Variants in VPS35 observed in about 807,000 individuals in gnomAD.
VPS35 encodes the protein vacuolar protein sorting-associated protein 35.
Under a neutral mutation model 98.1 loss-of-function variants are expected in VPS35, and 21 were observed. The ratio of observed to expected loss-of-function variants is 0.21; its 90% confidence interval spans 0.15 to 0.31. The LOEUF is 0.31. VPS35 is among the 10% of genes least tolerant of loss of function. The probability of loss-of-function intolerance (pLI) is 1.00; values close to 1 mark genes in which losing one functional copy is unlikely to be tolerated. For missense variants in VPS35, 554 were observed against 950.8 expected (o/e 0.58, Z 5.49); for synonymous variants, 268 against 318.2 (o/e 0.84, Z 1.68).
intron 7 of VPS35, 87 bp from the exon 8 acceptor site, chr16:46,676,779 A>C: frequency 1.1e-6 from 1 of 930,152 alleles, no homozygotes; most frequent in Admixed American, 1.9e-5. Context: ...TGTGGGAAAA[A>C]AACACTGTAT....
chr16:46,670,260 G>A (rs973698779), intron 12 of VPS35, among the ~76,000 whole-genome samples: 27 of 152,116 alleles, frequency 1.8e-4, no homozygotes, highest in African/African-American at 6.0e-4. Context: ...CCATACATGG[G>A]AATAACCAAT....
At chr16:46,674,935 C>T (rs1966123573) in intron 8 of VPS35, among the ~76,000 whole-genome samples, 1 of 151,720 alleles carries the variant, frequency 6.6e-6, no homozygotes, top group Admixed American at 6.6e-5. Flanking sequence ...CTGGGGCTAA[C>T]AGCATGTGCC....
rs141444850 is a variant in VPS35 at position 46,680,799 on chromosome 16, C to A, written c.378G>T (p.Arg126Ser). 11 of 1,613,888 alleles carry A rather than the reference C, an allele frequency of 6.8e-6. No homozygotes were observed. In the African/African-American group the frequency reaches 1.5e-4, roughly 22 times the overall value. The change falls in exon 5 of 17, where the codon AGG becomes AGT. Residue 126 changes from arginine (R) to serine (S), a missense_variant. By Grantham distance (110) the Arg-to-Ser change is moderately radical. Transcript: ENST00000299138. ...CTACCAAATCTTTCAAAATATCCTT[C>A]CTGGACTGAGGAAATGACTTGACAT... ...VVYVKSFPQS[R>S]KDILKDLVEM...
chr16:46,684,864 G>A (rs1411688365), intron 1 of VPS35, among the ~76,000 whole-genome samples: 1 of 152,154 alleles, frequency 6.6e-6, no homozygotes, highest in Non-Finnish European at 1.5e-5. Context: ...ATTCAACCAT[G>A]AAAAGGAATG....
Position 46,683,546 on chromosome 16 carries a change from C to A in VPS35, c.64G>T (p.Ala22Ser), listed in dbSNP as rs769187894. The stretch of plus-strand genomic sequence containing the variant: ...ATTTGGAATGACTGGACCTTCACAG[C>A]CTGTATGGCTTCATCCAAGAGCTTT... ...QEKLLDEAIQ[A>S]VKVQSFQMKR... The change falls in exon 2 of 17, where the codon GCT becomes TCT. Residue 22 changes from alanine (A) to serine (S), a missense_variant. This residue lies in a region of VPS35 where 67 missense variants were observed against 103.3 expected (regional missense o/e 0.65). Coordinates refer to ENST00000299138, the MANE Select transcript of VPS35 (RefSeq NM_018206.6). The A allele has an allele frequency of 3.1e-6, 5 of 1,613,890 alleles. No individual in the cohort carries two copies. The Admixed American group carries it at 8.3e-5, about 27-fold the overall frequency.
chr16:46,666,537 C>A (rs547352077), intron 13 of VPS35, among the ~76,000 whole-genome samples: 1 of 151,516 alleles, frequency 6.6e-6, no homozygotes, highest in African/African-American at 2.4e-5. Flanking sequence ...CAAAGTGCTG[C>A]GATTACAGGC....
chr16:46,681,860 A>G lies in VPS35; in HGVS notation c.199+219T>C, dbSNP rs1196789085. On this transcript the variant is annotated intron_variant, in intron 3 of 16. Coordinates refer to ENST00000299138, the MANE Select transcript of VPS35 (RefSeq NM_018206.6). ...CCTCATGAAGGGTCTGAAAATTGAG[A>G]TGCACCGACAACACATTTAAAGATG... 3.5e-5 allele frequency: 20 copies of G among 564,446 alleles called. No homozygotes were observed. The East Asian group carries it at 6.1e-4, about 17-fold the overall frequency. The allele number at this position is 564,446 out of a possible 1,614,324, so 35.0% of individuals were successfully genotyped here.
chr16:46,660,378 A>G lies in VPS35; in HGVS notation c.*94T>C. ...TAAGAAATGGGAAACCTACCTCAGC[A>G]TTTCTGAAAGGCACAATCTATGGAA... On this transcript the variant is annotated 3_prime_UTR_variant, in exon 17 of 17. Transcript: ENST00000299138. The G allele has an allele frequency of 6.5e-7, 1 of 1,533,316 alleles. No individual in the cohort carries two copies. The highest frequency in any genetic ancestry group is 2.2e-5 in the East Asian group (1 of 44,452). The allele number at this position is 1,533,316 out of a possible 1,614,324, so 95.0% of individuals were successfully genotyped here.
chr16:46,688,476 C>G, intron 1 of VPS35: 1 of 987,322 alleles, frequency 1.0e-6, no homozygotes. Flanking sequence ...ACAAAAGAGG[C>G]AAGGTGCGCC....
At chr16:46,684,511 A>G (rs992798671) in intron 1 of VPS35, among the ~76,000 whole-genome samples, 11 of 152,240 alleles carry the variant, frequency 7.2e-5, no homozygotes, top group African/African-American at 2.2e-4. Context: ...CTACAGCTAC[A>G]GTGGACAAAA....
At position 46,657,369 on chromosome 16, in the gene VPS35, A is replaced by AC. The variant is rs1249101349; in HGVS notation, c.*3102dup. On this transcript the variant is annotated 3_prime_UTR_variant, in exon 17 of 17. Transcript: ENST00000299138. The stretch of plus-strand genomic sequence containing the variant: ...GAAATCCTTTCTGCTTGAGCTTATT[A>AC]CCTTGAGGTCTCTGAATGAGAGAGC... The AC allele has an allele frequency of 6.6e-6, 1 of 152,108 alleles. No individual in the cohort carries two copies. Among genetic ancestry groups the AC allele is most frequent in the Non-Finnish European group, 1.5e-5 (1 of 68,016 alleles). 9.4% of individuals were successfully genotyped at this position (152,108 alleles called of 1,614,324 possible).
intron 2 of VPS35, chr16:46,683,270 T>G: frequency 1.8e-6 from 1 of 565,908 alleles, no homozygotes; most frequent in East Asian, 3.1e-5. Context: ...CTTATTCTTA[T>G]GAGCTTGTAT....
intron 12 of VPS35, among the ~76,000 whole-genome samples, chr16:46,671,369 G>A (rs1382672194): frequency 6.6e-6 from 1 of 152,122 alleles, no homozygotes; most frequent in Non-Finnish European, 1.5e-5. Context: ...AATTCTCAGA[G>A]AGTCTTCAAA....
At chr16:46,679,866 G>T (rs943956720) in intron 5 of VPS35, among the ~76,000 whole-genome samples, 32 of 151,676 alleles carry the variant, frequency 2.1e-4, no homozygotes, top group African/African-American at 7.7e-4. Flanking sequence ...TGTTTTAAAA[G>T]AAATTGATGC....
Position 46,661,185 on chromosome 16 carries a change from T to C in VPS35, c.2211+533A>G, listed in dbSNP as rs984021706. 1.3e-5 allele frequency among the ~76,000 whole-genome samples: 2 copies of C among 152,138 alleles called. No individual in the cohort carries two copies. Among genetic ancestry groups the C allele is most frequent in the Admixed American group, 6.6e-5 (1 of 15,252 alleles). Reference sequence around the variant, plus strand: ...CAAAATTTTATTTAACTTACAAATCTTGACCAAAACTGTATTGCTAAAAGG... The same window carrying C: ...CAAAATTTTATTTAACTTACAAATCCTGACCAAAACTGTATTGCTAAAAGG... On this transcript the variant is annotated intron_variant, in intron 16 of 16. Transcript: ENST00000299138. The surrounding 1 kb of genome is among the most constrained non-coding windows in gnomAD (Gnocchi z 4.3).
chr16:46,669,210 T>G, intron 12 of VPS35, 158 bp from the exon 13 acceptor site: 1 of 910,932 alleles, frequency 1.1e-6, no homozygotes, highest in Non-Finnish European at 1.7e-6. Context: ...TCTCCTCAAG[T>G]TGTCACAACA....
At chr16:46,679,336 CA>C (rs1276731131) in intron 5 of VPS35, among the ~76,000 whole-genome samples, 180 bp from the exon 6 acceptor site, 1 of 152,130 alleles carries the variant, frequency 6.6e-6, no homozygotes, top group Admixed American at 6.5e-5. Flanking sequence ...TAAAAAGTAC[CA>C]TGGAGAGGAC....
In VPS35 at chr16:46,669,339, C is replaced by A. The variant is rs557799943; in HGVS notation, c.1525-287G>T. Reference sequence around the variant, plus strand: ...AGATATATTTAAATATATTTTCATACACACATGTGCAAAGTATGCTGCACT... The same window carrying A: ...AGATATATTTAAATATATTTTCATAAACACATGTGCAAAGTATGCTGCACT... On this transcript the variant is annotated intron_variant, in intron 12 of 16. Coordinates refer to ENST00000299138, the MANE Select transcript of VPS35 (RefSeq NM_018206.6). 3.8e-5 allele frequency: 15 copies of A among 398,334 alleles called. No individual in the cohort carries two copies. In the East Asian group the frequency reaches 8.4e-4, roughly 22 times the overall value. The allele number at this position is 398,334 out of a possible 1,614,324, so 24.7% of individuals were successfully genotyped here.
chr16:46,660,759 G>C, intron 16 of VPS35, 108 bp from the exon 17 acceptor site: 3 of 631,314 alleles, frequency 4.8e-6, no homozygotes, highest in Middle Eastern at 3.4e-4. Context: ...TCAATTACCT[G>C]AGTAATTATG....
Sources: gnomAD v4.1 joint callset for allele counts (sites outside exome capture counted in the v4.1 genomes callset) on GRCh38, gnomAD v4.1.1 for gene constraint, gnomAD v4.1.1 regional missense constraint, Gnocchi (gnomAD v3.1) non-coding constraint, MANE v1.5 for transcripts, NCBI Gene and HGNC (gene_info 2026-07-23, HGNC 2026-07-21) for gene names.